FANCC: variants seen among roughly 807,000 people sequenced by gnomAD.
FANCC encodes FA complementation group C.
In FANCC, 55 loss-of-function variants were observed where a neutral mutation model predicts 71.3. That is an observed-to-expected ratio of 0.77 (90% CI 0.62 to 0.97). FANCC has a LOEUF of 0.97. FANCC is among the 50% of genes least tolerant of loss of function. The pLI is 0.00. For missense variants in FANCC, 678 were observed against 670.9 expected (o/e 1.01, Z -0.12); for synonymous variants, 275 against 244.9 (o/e 1.12, Z -1.15).
intron 6 of FANCC, among the ~76,000 whole-genome samples, chr9:95,158,320 T>G (rs538452904): frequency 6.6e-6 from 1 of 152,210 alleles, no homozygotes; most frequent in African/African-American, 2.4e-5. Flanking sequence ...GATGATAGAC[T>G]CAAAAAGCAT....
At chr9:95,184,469 C>T (rs1826585757) in intron 4 of FANCC, among the ~76,000 whole-genome samples, 1 of 152,054 alleles carries the variant, frequency 6.6e-6, no homozygotes, top group Non-Finnish European at 1.5e-5. Context: ...TAAGATGGAC[C>T]ACCACTCCCC....
At chr9:95,162,137 T>C (rs772977644) in intron 6 of FANCC, among the ~76,000 whole-genome samples, 23 of 152,156 alleles carry the variant, frequency 1.5e-4, no homozygotes, top group Non-Finnish European at 2.1e-4. Flanking sequence ...CCACTGCACC[T>C]GCCCTTAGCT....
intron 4 of FANCC, among the ~76,000 whole-genome samples, chr9:95,213,839 C>T (rs1160465138): frequency 1.3e-5 from 2 of 152,048 alleles, no homozygotes; most frequent in African/African-American, 2.4e-5. Flanking sequence ...TTTCAAAAGA[C>T]ACTACAGATA....
rs864622550 is a variant in FANCC at position 95,149,930 on chromosome 9, T to C, written c.679A>G (p.Ile227Val). Residue 227 changes from isoleucine to valine, a missense_variant, in exon 7 of 15, where the codon ATT becomes GTT. Coordinates refer to ENST00000289081, the MANE Select transcript of FANCC (RefSeq NM_000136.3). ...GAAACATTTGCCACTTACAGCAAAA[T>C]GGCCTCGTTTACAGCCTCAAAGAAC... The part of the protein sequence containing the change: ...PEFFEAVNEA[I>V]LLKKISLPMS... 14 of 1,602,050 alleles carry C rather than the reference T, an allele frequency of 8.7e-6. No homozygotes were observed. Among genetic ancestry groups the C allele is most frequent in the Non-Finnish European group, 1.2e-5 (14 of 1,174,294 alleles).
intron 4 of FANCC, among the ~76,000 whole-genome samples, chr9:95,230,625 TGAAGCC>T (rs1829945186): frequency 6.6e-6 from 1 of 151,930 alleles, no homozygotes; most frequent in Non-Finnish European, 1.5e-5. Flanking sequence ...ACTTCAGGAG[TGAAGCC>T]GCAGACCTTC....
At chr9:95,107,387 A>G in intron 13 of FANCC, 118 bp from the exon 14 acceptor site, 2 of 1,100,310 alleles carry the variant, frequency 1.8e-6, no homozygotes, top group Non-Finnish European at 2.7e-6. Context: ...GGCCCCTGAG[A>G]GAGGGAGCTA....
At chr9:95,210,355 T>C (rs993006320) in intron 4 of FANCC, among the ~76,000 whole-genome samples, 4 of 152,076 alleles carry the variant, frequency 2.6e-5, no homozygotes, top group Non-Finnish European at 5.9e-5. Flanking sequence ...TATAAAATGA[T>C]ATACTTGGTT....
chr9:95,110,454 A>G, intron 13 of FANCC: 1 of 1,028,130 alleles, frequency 9.7e-7, no homozygotes, highest in Non-Finnish European at 1.2e-6. Context: ...TTAAAGGGGA[A>G]GAAATAAAAA....
intron 1 of FANCC, among the ~76,000 whole-genome samples, chr9:95,271,922 C>T (rs1832748118): frequency 1.2e-5 from 1 of 80,472 alleles, no homozygotes; most frequent in South Asian, 4.0e-4. Flanking sequence ...CCCATCAAGC[C>T]TCTTCTTTTT....
Position 95,107,061 on chromosome 9 carries a change from C to G in FANCC, c.1533+5G>C. 1.2e-6 allele frequency: 2 copies of G among 1,614,170 alleles called. No homozygotes were observed. The highest frequency in any genetic ancestry group is 2.2e-5 in the East Asian group (1 of 44,892). The stretch of plus-strand genomic sequence containing the variant: ...ACTAGGATGCTGGACCACAGGGAGA[C>G]TTACCAGGGTGATGACATCCCAGGC... On this transcript the variant is annotated splice_donor_5th_base_variant and intron_variant, in intron 14 of 14. Coordinates refer to ENST00000289081, the MANE Select transcript of FANCC (RefSeq NM_000136.3).
intron 1 of FANCC, among the ~76,000 whole-genome samples, chr9:95,282,327 A>G (rs1041350154): frequency 5.3e-5 from 8 of 152,142 alleles, no homozygotes; most frequent in African/African-American, 7.2e-5. Context: ...ATATTAATAT[A>G]TGATAATGGG....
chr9:95,114,429 T>A, intron 12 of FANCC, 200 bp downstream of exon 12: 1 of 669,656 alleles, frequency 1.5e-6, no homozygotes, highest in Non-Finnish European at 2.7e-6. Context: ...TACATGCGCA[T>A]GCCTATTCAT....
chr9:95,111,693 G>C, intron 12 of FANCC, 56 bp from the exon 13 acceptor site: 1 of 1,607,626 alleles, frequency 6.2e-7, no homozygotes. Context: ...CTTCCTTTGG[G>C]TTTTTAAAGC....
chr9:95,235,013 T>C (rs948040254), intron 4 of FANCC, among the ~76,000 whole-genome samples: 2 of 152,194 alleles, frequency 1.3e-5, no homozygotes, highest in African/African-American at 4.8e-5. Context: ...TCAACTAATT[T>C]AAATGTTAAT....
chr9:95,149,888 A>T (rs1233394121), intron 7 of FANCC, 35 bp downstream of exon 7: 3 of 1,566,610 alleles, frequency 1.9e-6, no homozygotes, highest in Non-Finnish European at 2.6e-6. Flanking sequence ...AAAAGGAAAA[A>T]CGACGCAGGA....
At chr9:95,206,185 G>GAAGGAGA (rs1408319864) in intron 4 of FANCC, among the ~76,000 whole-genome samples, 2 of 152,186 alleles carry the variant, frequency 1.3e-5, no homozygotes, top group Non-Finnish European at 2.9e-5. Flanking sequence ...GGAGAAGGAG[G>GAAGGAGA]AAGGAGAAAG....
intron 6 of FANCC, among the ~76,000 whole-genome samples, chr9:95,162,700 C>T (rs1383124394): frequency 1.3e-5 from 2 of 152,028 alleles, no homozygotes; most frequent in Non-Finnish European, 2.9e-5. Flanking sequence ...TTATCATGTC[C>T]CTGATAACTG....
At chr9:95,111,084 T>C (rs2071876240) in intron 13 of FANCC, 3 of 1,514,654 alleles carry the variant, frequency 2.0e-6, no homozygotes, top group South Asian at 1.2e-5. Flanking sequence ...GACAGGGCCC[T>C]GGCTGTGGCC....
At chr9:95,273,536 T>G (rs1832857339) in intron 1 of FANCC, among the ~76,000 whole-genome samples, 1 of 152,202 alleles carries the variant, frequency 6.6e-6, no homozygotes, top group Non-Finnish European at 1.5e-5. Context: ...CATCTCAGGG[T>G]GTCCACATTT....
Sources: gnomAD v4.1 joint callset for allele counts (sites outside exome capture counted in the v4.1 genomes callset) on GRCh38, gnomAD v4.1.1 for gene constraint, MANE v1.5 for transcripts, NCBI Gene and HGNC (gene_info 2026-07-23, HGNC 2026-07-21) for gene names.